The following ENOX1 variants were observed in gnomAD, a reference collection of about 807,000 sequenced individuals.
The protein encoded by ENOX1 is ecto-NOX disulfide-thiol exchanger 1, also known as candidate growth-related and time keeping constitutive hydroquinone (NADH) oxidase.
In ENOX1, 42 loss-of-function variants were observed where a neutral mutation model predicts 82.5. That is an observed-to-expected ratio of 0.51 (90% CI 0.40 to 0.66). The LOEUF (loss-of-function observed/expected upper bound fraction) is 0.66, where lower values mean the gene tolerates loss of function less well. Among genes scored for constraint, ENOX1 ranks in the 30% least tolerant of loss-of-function variants. The pLI is 0.00. For synonymous variants in ENOX1, 271 were observed against 282.2 expected (o/e 0.96, Z 0.40); for missense variants, 608 against 811.6 (o/e 0.75, Z 3.05).
intron 2 of ENOX1, among the ~76,000 whole-genome samples, chr13:43,548,286 A>G (rs1199074028): frequency 6.6e-6 from 1 of 152,190 alleles, no homozygotes; most frequent in Non-Finnish European, 1.5e-5. Flanking sequence ...TGACCCTCCA[A>G]AGAAACCTTT....
chr13:43,255,590 A>C (rs1228628437), intron 14 of ENOX1, among the ~76,000 whole-genome samples: 3 of 152,196 alleles, frequency 2.0e-5, no homozygotes, highest in East Asian at 3.8e-4. Context: ...TGCAGGATAC[A>C]AAGTCAATGT....
At chr13:43,377,835 A>G (rs2051749736) in intron 5 of ENOX1, among the ~76,000 whole-genome samples, 1 of 152,200 alleles carries the variant, frequency 6.6e-6, no homozygotes, top group African/African-American at 2.4e-5. Context: ...CAATGATAAA[A>G]CCCTAAATTG....
chr13:43,559,674 A>G (rs1307510255), intron 2 of ENOX1, among the ~76,000 whole-genome samples: 2 of 152,246 alleles, frequency 1.3e-5, no homozygotes, highest in Admixed American at 6.5e-5. Context: ...GTTGCAAAAG[A>G]TAAGACAGTA....
intron 2 of ENOX1, among the ~76,000 whole-genome samples, chr13:43,552,922 A>T (rs1008000070): frequency 2.0e-5 from 3 of 152,216 alleles, no homozygotes; most frequent in Admixed American, 6.5e-5. Context: ...ATATCTTATT[A>T]CCAATTAATT....
chr13:43,349,152 A>C (rs1249425225), intron 8 of ENOX1, among the ~76,000 whole-genome samples: 1 of 152,206 alleles, frequency 6.6e-6, no homozygotes, highest in East Asian at 1.9e-4. Context: ...TTTCATGTCA[A>C]AGAGTATTTT....
chr13:43,782,998 C>G (rs2153854798), intron 1 of ENOX1, among the ~76,000 whole-genome samples: 2 of 152,286 alleles, frequency 1.3e-5, no homozygotes, highest in South Asian at 4.2e-4. Flanking sequence ...GAGCCCAGAT[C>G]ACTACACCAA....
intron 1 of ENOX1, among the ~76,000 whole-genome samples, chr13:43,681,966 C>T (rs534968125): frequency 6.6e-6 from 1 of 152,206 alleles, no homozygotes; most frequent in Admixed American, 6.6e-5. Context: ...CCTTACTATG[C>T]TTTGCCCAGA....
chr13:43,312,872 G>A (rs931997501), intron 11 of ENOX1, among the ~76,000 whole-genome samples: 2 of 152,084 alleles, frequency 1.3e-5, no homozygotes, highest in Non-Finnish European at 2.9e-5. Flanking sequence ...AAAATGACGG[G>A]AAGACCAAGC....
At chr13:43,323,369 A>C (rs1180926985) in intron 10 of ENOX1, among the ~76,000 whole-genome samples, 1 of 152,216 alleles carries the variant, frequency 6.6e-6, no homozygotes, top group Non-Finnish European at 1.5e-5. Context: ...GACTACAATC[A>C]AGTTATTTAT....
At chr13:43,552,400 C>T (rs1412858232) in intron 2 of ENOX1, among the ~76,000 whole-genome samples, 1 of 151,980 alleles carries the variant, frequency 6.6e-6, no homozygotes, top group Non-Finnish European at 1.5e-5. Context: ...TCCTAGAACC[C>T]TCCTCATTCC....
At chr13:43,627,937 T>C (rs148012996) in intron 2 of ENOX1, among the ~76,000 whole-genome samples, 9 of 152,218 alleles carry the variant, frequency 5.9e-5, no homozygotes, top group African/African-American at 2.2e-4. Flanking sequence ...ATTGTGCCAC[T>C]TTATTCTGGG....
chr13:43,777,115 C>T (rs1007333819), intron 1 of ENOX1, among the ~76,000 whole-genome samples: 20 of 152,186 alleles, frequency 1.3e-4, no homozygotes, highest in African/African-American at 4.3e-4. Flanking sequence ...ACAATGGTCA[C>T]CAGGGGATAA....
At chr13:43,529,891 A>G (rs1363415633) in intron 2 of ENOX1, among the ~76,000 whole-genome samples, 1 of 152,134 alleles carries the variant, frequency 6.6e-6, no homozygotes, top group Non-Finnish European at 1.5e-5. Flanking sequence ...ATAACTAAAA[A>G]TTGTTTGCAC....
intron 5 of ENOX1, among the ~76,000 whole-genome samples, chr13:43,410,360 A>G (rs1055092303): frequency 2.0e-5 from 3 of 152,166 alleles, no homozygotes; most frequent in African/African-American, 4.8e-5. Flanking sequence ...GGCCTGGGAT[A>G]AACACATGTT....
chr13:43,429,194 T>C (rs977185681), intron 3 of ENOX1, among the ~76,000 whole-genome samples: 4 of 152,184 alleles, frequency 2.6e-5, no homozygotes, highest in African/African-American at 9.7e-5. Flanking sequence ...TCACGAGTCA[T>C]TGGAGAGGCT....
intron 2 of ENOX1, among the ~76,000 whole-genome samples, chr13:43,491,217 T>C (rs1042818501): frequency 1.3e-5 from 2 of 152,120 alleles, no homozygotes; most frequent in Non-Finnish European, 2.9e-5. Flanking sequence ...AGATCTTGCA[T>C]GGACTTAGTG....
intron 5 of ENOX1, among the ~76,000 whole-genome samples, chr13:43,386,660 A>G (rs2052430279): frequency 1.3e-5 from 2 of 152,236 alleles, no homozygotes; most frequent in South Asian, 4.1e-4. Flanking sequence ...CGATTAAAAA[A>G]TCAGAAATAA....
intron 2 of ENOX1, among the ~76,000 whole-genome samples, chr13:43,636,868 G>C (rs2083433315): frequency 6.6e-6 from 1 of 152,180 alleles, no homozygotes; most frequent in Non-Finnish European, 1.5e-5. Flanking sequence ...AGAAGAGACG[G>C]TAGGCAGGCA....
At chr13:43,413,020 C>A (rs1249628989) in intron 3 of ENOX1, 32 bp from the exon 4 acceptor site, 3 of 1,479,260 alleles carry the variant, frequency 2.0e-6, no homozygotes, top group African/African-American at 1.4e-5. Context: ...TGGTGAGAAA[C>A]CTTAATAGTT....
Sources: gnomAD v4.1 joint callset for allele counts (sites outside exome capture counted in the v4.1 genomes callset) on GRCh38, gnomAD v4.1.1 for gene constraint, MANE v1.5 for transcripts, NCBI Gene and HGNC (gene_info 2026-07-23, HGNC 2026-07-21) for gene names.